LOC128462377: variants seen among roughly 807,000 people sequenced by gnomAD.
At chr16:89,387,692 GAAAAAAAAAAAA>G in the LOC128462377 span, among the ~76,000 whole-genome samples, 94 of 67,512 alleles carry the variant, frequency 1.4e-3, no homozygotes, top group Non-Finnish European at 2.5e-3. Flanking sequence ...AAAAGAAAAA[GAAAAAAAAAAAA>G]AAAAAAGACT....
the LOC128462377 span, among the ~76,000 whole-genome samples, chr16:89,344,655 TGAG>T: frequency 2.0e-5 from 3 of 152,134 alleles, no homozygotes; most frequent in South Asian, 2.1e-4. Context: ...GGGCCAGAAA[TGAG>T]GGCACCCTCA....
the LOC128462377 span, among the ~76,000 whole-genome samples, chr16:89,414,969 G>C: frequency 6.6e-6 from 1 of 152,186 alleles, no homozygotes; most frequent in East Asian, 1.9e-4. Context: ...ATTTGGGACA[G>C]GGTCTCACCC....
chr16:89,391,522 G>A, the LOC128462377 span, among the ~76,000 whole-genome samples: 4 of 152,298 alleles, frequency 2.6e-5, no homozygotes, highest in African/African-American at 9.6e-5. Flanking sequence ...CGTCTTTTGC[G>A]TTTTCTGTGT....
the LOC128462377 span, among the ~76,000 whole-genome samples, chr16:89,349,323 A>G: frequency 6.6e-6 from 1 of 151,248 alleles, no homozygotes; most frequent in Non-Finnish European, 1.5e-5. Context: ...TACTCAAAAT[A>G]CCAAAAATTA....
chr16:89,411,208 C>G, the LOC128462377 span, among the ~76,000 whole-genome samples: 1 of 152,258 alleles, frequency 6.6e-6, no homozygotes, highest in African/African-American at 2.4e-5. Flanking sequence ...TCCACCACAT[C>G]CCCTCTCGTG....
At chr16:89,328,610 C>T in the LOC128462377 span, among the ~76,000 whole-genome samples, 1,119 of 148,614 alleles carry the variant, frequency 7.5e-3, 3 homozygotes, top group East Asian at 0.042. Flanking sequence ...TGCAGAGGCC[C>T]CTGCTGAGTG....
At chr16:89,409,690 A>C in the LOC128462377 span, among the ~76,000 whole-genome samples, 13 of 152,272 alleles carry the variant, frequency 8.5e-5, no homozygotes, top group African/African-American at 2.9e-4. Flanking sequence ...TCGTGTTACT[A>C]AAAGTTTCCA....
the LOC128462377 span, among the ~76,000 whole-genome samples, chr16:89,343,227 G>C: frequency 6.6e-6 from 1 of 152,074 alleles, no homozygotes; most frequent in Non-Finnish European, 1.5e-5. Flanking sequence ...CTGACCTCAA[G>C]AGTGATCCAC....
the LOC128462377 span, among the ~76,000 whole-genome samples, chr16:89,375,464 CTT>C: frequency 1.2e-4 from 18 of 149,114 alleles, no homozygotes; most frequent in Admixed American, 2.7e-4. Context: ...GACTCTATCT[CTT>C]TTTTTTTTTG....
At chr16:89,367,169 G>A in the LOC128462377 span, among the ~76,000 whole-genome samples, 7 of 152,170 alleles carry the variant, frequency 4.6e-5, no homozygotes, top group Non-Finnish European at 5.9e-5. Context: ...AGGCACCTCA[G>A]GGGGACAGTC....
chr16:89,372,009 G>C, the LOC128462377 span, among the ~76,000 whole-genome samples: 50 of 152,298 alleles, frequency 3.3e-4, no homozygotes, highest in Middle Eastern at 3.4e-3. Context: ...GTTTGTCACG[G>C]GCCAAGAACA....
the LOC128462377 span, among the ~76,000 whole-genome samples, chr16:89,347,417 GGC>G: frequency 6.6e-6 from 1 of 152,120 alleles, no homozygotes; most frequent in Non-Finnish European, 1.5e-5. Flanking sequence ...AGACCATCCT[GGC>G]TAGCACGGTG....
chr16:89,351,340 G>A, the LOC128462377 span, among the ~76,000 whole-genome samples: 1 of 152,290 alleles, frequency 6.6e-6, no homozygotes, highest in East Asian at 1.9e-4. Flanking sequence ...TGGCCCTAGG[G>A]AAGGAAGACC....
chr16:89,397,183 G>A, the LOC128462377 span, among the ~76,000 whole-genome samples: 268 of 152,246 alleles, frequency 1.8e-3, 2 homozygotes, highest in African/African-American at 5.7e-3. Flanking sequence ...GCTCCTCCAC[G>A]TCCAACGGCG....
chr16:89,374,338 A>T, the LOC128462377 span, among the ~76,000 whole-genome samples: 2 of 122,660 alleles, frequency 1.6e-5, no homozygotes, highest in African/African-American at 5.8e-5. Context: ...GTGTTTTTGT[A>T]AAAAAAATAA....
At chr16:89,333,500 C>T in the LOC128462377 span, among the ~76,000 whole-genome samples, 7 of 152,260 alleles carry the variant, frequency 4.6e-5, no homozygotes, top group African/African-American at 7.2e-5. Flanking sequence ...CCAGGTCCCC[C>T]GTGTTCCTGC....
chr16:89,401,711 C>T, the LOC128462377 span, among the ~76,000 whole-genome samples: 1 of 152,102 alleles, frequency 6.6e-6, no homozygotes, highest in East Asian at 1.9e-4. Context: ...CAGGTGAGAT[C>T]GCTAGGGTGG....
chr16:89,341,878 ACGGCAGGAGTGCTGCACCTCCACCC>A, the LOC128462377 span, among the ~76,000 whole-genome samples: 3 of 140,298 alleles, frequency 2.1e-5, no homozygotes, highest in African/African-American at 2.7e-5. Context: ...GCCACGGCCC[ACGGCAGGAGTGCTGCACCTCCACCC>A]ACAGCGGCCA....
chr16:89,338,685 A>G, the LOC128462377 span, among the ~76,000 whole-genome samples: 3 of 133,766 alleles, frequency 2.2e-5, no homozygotes, highest in African/African-American at 8.6e-5. Flanking sequence ...AGATCACGCC[A>G]CTGCCCTCCA....
Sources: allele counts gnomAD v4.1 joint callset (sites outside exome capture counted in the v4.1 genomes callset), GRCh38; gene constraint gnomAD v4.1.1; transcripts MANE v1.5.